SH3RF3: variants seen among roughly 807,000 people sequenced by gnomAD.
SH3RF3 encodes SH3 domain containing ring finger 3.
In SH3RF3, 29 loss-of-function variants were observed where a neutral mutation model predicts 66.3. The observed-to-expected ratio is 0.44, with a 90% CI of 0.33 to 0.60. The LOEUF (loss-of-function observed/expected upper bound fraction) is 0.60, where lower values mean the gene tolerates loss of function less well. Ranked by LOEUF, SH3RF3 falls within the 20% of genes least tolerant of loss-of-function variation. The pLI, the probability that SH3RF3 is intolerant of heterozygous loss-of-function variation, is 0.04. For synonymous variants in SH3RF3, 583 were observed against 532.0 expected (o/e 1.10, Z -1.32); for missense variants, 1,194 against 1,190.9 (o/e 1.00, Z -0.04).
At chr2:109,432,440 C>T (rs1365063750) in intron 5 of SH3RF3, 61 bp from the exon 6 acceptor site, 45 of 1,588,608 alleles carry the variant, frequency 2.8e-5, no homozygotes, top group East Asian at 1.2e-4. Context: ...CCAGGAATGC[C>T]GGCCGGTCCC....
At chr2:109,498,841 G>A (rs962373519) in intron 9 of SH3RF3, among the ~76,000 whole-genome samples, 1 of 152,216 alleles carries the variant, frequency 6.6e-6, no homozygotes. Context: ...GCTGGGAAAG[G>A]GCAGGCCCGG....
intron 1 of SH3RF3, among the ~76,000 whole-genome samples, chr2:109,341,361 A>G (rs957632255): frequency 2.3e-4 from 35 of 152,242 alleles, no homozygotes; most frequent in African/African-American, 8.2e-4. Context: ...TATTTAAAAT[A>G]AGGTAAGGCC....
intron 4 of SH3RF3, among the ~76,000 whole-genome samples, chr2:109,406,902 G>A (rs986033378): frequency 4.6e-5 from 7 of 152,150 alleles, no homozygotes; most frequent in Admixed American, 4.6e-4. Context: ...GGAGTCCAGC[G>A]GGGCCTTGAG....
At chr2:109,247,461 C>T (rs1405903700) in intron 1 of SH3RF3, among the ~76,000 whole-genome samples, 1 of 152,226 alleles carries the variant, frequency 6.6e-6, no homozygotes, top group Non-Finnish European at 1.5e-5. Flanking sequence ...CCTCTGAGGA[C>T]ACTTCCTGGA....
intron 1 of SH3RF3, among the ~76,000 whole-genome samples, chr2:109,205,394 C>T (rs1402517551): frequency 6.6e-6 from 1 of 151,938 alleles, no homozygotes; most frequent in Non-Finnish European, 1.5e-5. Context: ...CATCACCATG[C>T]CTAGATAATT....
intron 1 of SH3RF3, among the ~76,000 whole-genome samples, chr2:109,249,528 T>TTCCTTCC (rs1680018227): frequency 9.6e-6 from 1 of 103,812 alleles, no homozygotes; most frequent in African/African-American, 4.0e-5. Flanking sequence ...TTTTTCTTTC[T>TTCCTTCC]TTCTTTCCTT....
chr2:109,309,394 A>G (rs1681675067), intron 1 of SH3RF3, among the ~76,000 whole-genome samples: 1 of 145,084 alleles, frequency 6.9e-6, no homozygotes, highest in East Asian at 2.0e-4. Context: ...CTGCTGCAAA[A>G]TCATGCCAAA....
chr2:109,321,705 C>T (rs1293602462), intron 1 of SH3RF3, among the ~76,000 whole-genome samples: 4 of 152,216 alleles, frequency 2.6e-5, no homozygotes, highest in South Asian at 2.1e-4. Context: ...TCAACCCTGG[C>T]CCCCTGCCGT....
At chr2:109,161,297 T>C (rs976913833) in intron 1 of SH3RF3, among the ~76,000 whole-genome samples, 16 of 151,544 alleles carry the variant, frequency 1.1e-4, no homozygotes, top group Non-Finnish European at 1.5e-4. Context: ...GAGTTAGGAG[T>C]GTGTAGGAAG....
At chr2:109,294,890 G>A (rs1681273077) in intron 1 of SH3RF3, among the ~76,000 whole-genome samples, 1 of 152,202 alleles carries the variant, frequency 6.6e-6, no homozygotes. Context: ...GAAAGACTTA[G>A]TGAGGAGAGA....
intron 1 of SH3RF3, among the ~76,000 whole-genome samples, chr2:109,192,982 C>G (rs1678405131): frequency 6.6e-6 from 1 of 152,200 alleles, no homozygotes; most frequent in African/African-American, 2.4e-5. Flanking sequence ...TGATGAACCT[C>G]TTGTGACTTG....
At chr2:109,301,350 G>C (rs1559010948) in intron 1 of SH3RF3, among the ~76,000 whole-genome samples, 1 of 76,388 alleles carries the variant, frequency 1.3e-5, no homozygotes, top group Non-Finnish European at 2.8e-5. Flanking sequence ...GTGTGTGTGT[G>C]TGTTTGTGTA....
intron 1 of SH3RF3, among the ~76,000 whole-genome samples, chr2:109,286,288 G>A (rs73955509): frequency 0.011 from 1,630 of 152,332 alleles, 29 homozygotes; most frequent in African/African-American, 0.036. Flanking sequence ...TGATGGAAAA[G>A]TGTGGTCAAG....
At chr2:109,301,375 T>TG (rs1472855277) in intron 1 of SH3RF3, among the ~76,000 whole-genome samples, 1 of 151,264 alleles carries the variant, frequency 6.6e-6, no homozygotes, top group African/African-American at 2.4e-5. Context: ...TTGTGTGTGG[T>TG]GGGGGGACCT....
chr2:109,140,957 C>G (rs1186450535), intron 1 of SH3RF3, among the ~76,000 whole-genome samples: 1 of 152,170 alleles, frequency 6.6e-6, no homozygotes, highest in African/African-American at 2.4e-5. Flanking sequence ...CACCTTCCAT[C>G]CGGGGCTGCT....
At chr2:109,154,031 G>C (rs1473954440) in intron 1 of SH3RF3, among the ~76,000 whole-genome samples, 1 of 152,196 alleles carries the variant, frequency 6.6e-6, no homozygotes, top group East Asian at 1.9e-4. Context: ...TGGTGGACAT[G>C]GAACTGCAGA....
intron 3 of SH3RF3, among the ~76,000 whole-genome samples, chr2:109,383,271 T>C (rs1675742729): frequency 6.6e-6 from 1 of 152,188 alleles, no homozygotes; most frequent in South Asian, 2.1e-4. Context: ...CATGTCTGAT[T>C]TTTCAGCTGG....
At chr2:109,332,781 G>A (rs541631391) in intron 1 of SH3RF3, among the ~76,000 whole-genome samples, 3 of 152,348 alleles carry the variant, frequency 2.0e-5, no homozygotes, top group Admixed American at 2.0e-4. Context: ...AGGTGCTAGT[G>A]TGGGTGGTGA....
chr2:109,479,112 A>T (rs1273623629), intron 8 of SH3RF3, among the ~76,000 whole-genome samples: 2 of 152,104 alleles, frequency 1.3e-5, no homozygotes, highest in Non-Finnish European at 2.9e-5. Flanking sequence ...CACACTTCTC[A>T]ACGTGGACAG....
Sources: gnomAD v4.1 joint callset for allele counts (sites outside exome capture counted in the v4.1 genomes callset) on GRCh38, gnomAD v4.1.1 for gene constraint, MANE v1.5 for transcripts, NCBI Gene and HGNC (gene_info 2026-07-23, HGNC 2026-07-21) for gene names.